The following ENOX1 variants were observed in gnomAD, a reference collection of about 807,000 sequenced individuals.
ENOX1 encodes candidate growth-related and time keeping constitutive hydroquinone (NADH) oxidase.
A neutral mutation model predicts 82.5 loss-of-function variants in ENOX1; 42 were observed. The ratio of observed to expected loss-of-function variants is 0.51; its 90% CI spans 0.40 to 0.66. The LOEUF (loss-of-function observed/expected upper bound fraction) is 0.66, where lower values mean the gene tolerates loss of function less well. ENOX1 is among the 30% of genes least tolerant of loss of function. ENOX1 has a pLI of 0.00. For missense variants in ENOX1, 608 were observed against 811.6 expected (o/e 0.75, Z 3.05); for synonymous variants, 271 against 282.2 (o/e 0.96, Z 0.40).
chr13:43,756,972 C>CAAA (rs1164153402), intron 1 of ENOX1, among the ~76,000 whole-genome samples: 23 of 28,016 alleles, frequency 8.2e-4, no homozygotes, highest in East Asian at 2.0e-3. Flanking sequence ...AAAACAACAA[C>CAAA]AAAAAAAAAA....
intron 2 of ENOX1, among the ~76,000 whole-genome samples, chr13:43,602,843 T>A (rs1345537390): frequency 2.0e-5 from 3 of 151,988 alleles, no homozygotes; most frequent in Admixed American, 6.6e-5. Context: ...TGGAATAATA[T>A]GAAGATGACA....
intron 1 of ENOX1, among the ~76,000 whole-genome samples, chr13:43,732,640 C>T (rs764555850): frequency 2.6e-5 from 4 of 152,174 alleles, no homozygotes; most frequent in Non-Finnish European, 4.4e-5. Flanking sequence ...TGCACAATTA[C>T]GTCAAAGAAT....
Position 43,765,675 on chromosome 13 carries a change from C to T in ENOX1, c.-285+20977G>A, listed in dbSNP as rs116738033. ...TTAGGAAGCACTCAGTAAACACTTA[C>T]GAAATAAACAATGAATCAATGAAGG... On this transcript the variant is annotated intron_variant, in intron 1 of 16. Coordinates refer to ENST00000690772, the MANE Select transcript of ENOX1 (RefSeq NM_001347969.2). Among the ~76,000 whole-genome samples, 591 of 152,204 alleles carry T rather than the reference C, an allele frequency of 3.9e-3. 3 individuals carry two copies. Among genetic ancestry groups the T allele is most frequent in the African/African-American group, 0.014 (565 of 41,522 alleles).
At chr13:43,302,469 G>A (rs1216424681) in intron 11 of ENOX1, among the ~76,000 whole-genome samples, 1 of 152,002 alleles carries the variant, frequency 6.6e-6, no homozygotes. Flanking sequence ...GAAAAATTCT[G>A]AATACTGGAA....
chr13:43,408,137 T>C (rs745748212), intron 5 of ENOX1, among the ~76,000 whole-genome samples: 1 of 151,944 alleles, frequency 6.6e-6, no homozygotes, highest in Non-Finnish European at 1.5e-5. Flanking sequence ...TTGGTGATGA[T>C]GAAAGGGGAG....
At chr13:43,559,726 G>C (rs1400257838) in intron 2 of ENOX1, among the ~76,000 whole-genome samples, 1 of 152,158 alleles carries the variant, frequency 6.6e-6, no homozygotes, top group Non-Finnish European at 1.5e-5. Flanking sequence ...TTAGCATCAT[G>C]AAGAAGGTTA....
intron 1 of ENOX1, among the ~76,000 whole-genome samples, chr13:43,681,350 G>A (rs2153797749): frequency 6.6e-6 from 1 of 152,134 alleles, no homozygotes; most frequent in East Asian, 1.9e-4. Flanking sequence ...GCTCTATAAT[G>A]GCACAAACAA....
intron 2 of ENOX1, among the ~76,000 whole-genome samples, chr13:43,631,294 C>T (rs182507171): frequency 6.6e-6 from 1 of 152,258 alleles, no homozygotes; most frequent in Admixed American, 6.5e-5. Context: ...CAGCAGGAAA[C>T]CTGGTTCTGG....
At chr13:43,494,680 T>G (rs2076733801) in intron 2 of ENOX1, among the ~76,000 whole-genome samples, 1 of 152,158 alleles carries the variant, frequency 6.6e-6, no homozygotes, top group African/African-American at 2.4e-5. Flanking sequence ...AATAAGATGA[T>G]TGTGAAATTG....
intron 5 of ENOX1, among the ~76,000 whole-genome samples, chr13:43,392,988 A>T (rs921719061): frequency 1.3e-5 from 2 of 152,204 alleles, no homozygotes; most frequent in African/African-American, 2.4e-5. Flanking sequence ...CCCTATCCTG[A>T]CAATTATAAG....
intron 2 of ENOX1, among the ~76,000 whole-genome samples, chr13:43,554,900 C>T (rs1043185595): frequency 4.6e-5 from 7 of 152,148 alleles, no homozygotes; most frequent in Non-Finnish European, 8.8e-5. Flanking sequence ...TTTTTGACCC[C>T]TAGCCCAATA....
chr13:43,275,778 A>G (rs1243584911), intron 12 of ENOX1, among the ~76,000 whole-genome samples: 2 of 152,218 alleles, frequency 1.3e-5, no homozygotes, highest in African/African-American at 4.8e-5. Context: ...ACAACAGTAA[A>G]TAGCCTCTCC....
At chr13:43,514,254 C>T (rs556476334) in intron 2 of ENOX1, among the ~76,000 whole-genome samples, 175 of 152,136 alleles carry the variant, frequency 1.2e-3, no homozygotes, top group African/African-American at 4.0e-3. Context: ...GTTTTTAGTC[C>T]TAAATACTTT....
intron 5 of ENOX1, among the ~76,000 whole-genome samples, chr13:43,410,429 A>C (rs1300260683): frequency 6.6e-6 from 1 of 152,156 alleles, no homozygotes; most frequent in Non-Finnish European, 1.5e-5. Context: ...CTAATCTTCA[A>C]TTGTATGAAT....
At chr13:43,666,189 T>A (rs2084968816) in intron 2 of ENOX1, among the ~76,000 whole-genome samples, 1 of 152,068 alleles carries the variant, frequency 6.6e-6, no homozygotes, top group South Asian at 2.1e-4. Flanking sequence ...ACTTGCTGGA[T>A]GCAGGGTTGC....
At chr13:43,306,456 A>G (rs971396794) in intron 11 of ENOX1, among the ~76,000 whole-genome samples, 2 of 152,238 alleles carry the variant, frequency 1.3e-5, no homozygotes, top group African/African-American at 4.8e-5. Flanking sequence ...CTTTTTTAGG[A>G]AAGTCAGGCT....
chr13:43,467,820 T>G (rs1045087761), intron 3 of ENOX1, among the ~76,000 whole-genome samples: 4 of 152,224 alleles, frequency 2.6e-5, no homozygotes. Flanking sequence ...GGATCATTTT[T>G]AATTTTTGTA....
chr13:43,568,259 C>G (rs1306460204), intron 2 of ENOX1, among the ~76,000 whole-genome samples: 1 of 152,018 alleles, frequency 6.6e-6, no homozygotes, highest in African/African-American at 2.4e-5. Context: ...AACTTTTTTC[C>G]CCTTCCTCTT....
chr13:43,688,539 G>C (rs2086193257), intron 1 of ENOX1, among the ~76,000 whole-genome samples: 1 of 152,246 alleles, frequency 6.6e-6, no homozygotes, highest in Non-Finnish European at 1.5e-5. Flanking sequence ...TGAGAAAGTG[G>C]ACATAGACAA....
Sources: gnomAD v4.1 joint callset for allele counts (sites outside exome capture counted in the v4.1 genomes callset) on GRCh38, gnomAD v4.1.1 for gene constraint, MANE v1.5 for transcripts, NCBI Gene and HGNC (gene_info 2026-07-23, HGNC 2026-07-21) for gene names.